MARCHF1: variants seen among roughly 807,000 people sequenced by gnomAD.
MARCHF1 encodes the protein membrane associated ring-CH-type finger 1, also known as E3 ubiquitin-protein ligase MARCHF1.
Under a neutral mutation model 54.2 loss-of-function variants are expected in MARCHF1, and 40 were observed. That is an observed-to-expected ratio of 0.74 (90% CI 0.57 to 0.96). MARCHF1 has a LOEUF of 0.96. MARCHF1 is among the 40% of genes least tolerant of loss of function. The pLI, the probability that MARCHF1 is intolerant of heterozygous loss-of-function variation, is 0.00. For missense variants in MARCHF1, 586 were observed against 656.5 expected (o/e 0.89, Z 1.17); for synonymous variants, 236 against 236.3 (o/e 1.00, Z 0.01).
chr4:164,318,862 T>C (rs1735066162), intron 1 of MARCHF1, among the ~76,000 whole-genome samples: 1 of 152,254 alleles, frequency 6.6e-6, no homozygotes, highest in Non-Finnish European at 1.5e-5. Context: ...AATACTAATC[T>C]ATATCATTTG....
At chr4:163,793,413 G>C (rs1747822966) in intron 4 of MARCHF1, among the ~76,000 whole-genome samples, 1 of 152,088 alleles carries the variant, frequency 6.6e-6, no homozygotes, top group South Asian at 2.1e-4. Context: ...TCAAAGGAAG[G>C]ATTTCTCCAA....
chr4:164,383,952 T>A lies in MARCHF1; in HGVS notation c.-405A>T, dbSNP rs1307433505. Reference sequence around the variant, plus strand: ...GGCGCGGGCATTCTCCCATCCTTTGTCAGTTGCGGGTGGAGCGCTCCTCCC... The same window carrying A: ...GGCGCGGGCATTCTCCCATCCTTTGACAGTTGCGGGTGGAGCGCTCCTCCC... On this transcript the variant is annotated 5_prime_UTR_variant, in exon 1 of 10. Transcript: ENST00000514618. 6.6e-6 allele frequency: 1 copy of A among 152,176 alleles called. No homozygotes were observed. The highest frequency in any genetic ancestry group is 1.5e-5 in the Non-Finnish European group (1 of 68,080). The allele number at this position is 152,176 out of a possible 1,614,324, so 9.4% of individuals were successfully genotyped here.
intron 2 of MARCHF1, among the ~76,000 whole-genome samples, chr4:164,084,420 C>T (rs1217321619): frequency 1.3e-5 from 2 of 151,682 alleles, no homozygotes; most frequent in African/African-American, 2.4e-5. Flanking sequence ...ATTTTAGATA[C>T]TCAACCTTTA....
Position 164,360,005 on chromosome 4 carries a change from G to A in MARCHF1, c.-323+23865C>T, listed in dbSNP as rs72991366. On this transcript the variant is annotated intron_variant, in intron 1 of 9. Coordinates refer to ENST00000514618, the MANE Select transcript of MARCHF1 (RefSeq NM_001394959.1). The stretch of plus-strand genomic sequence containing the variant: ...AGTGTCATATTCTAGTAGGCCGTGT[G>A]AACCCCACCCCCCAGAACACTCCGC... 8.2e-3 allele frequency among the ~76,000 whole-genome samples: 1,249 copies of A among 152,128 alleles called. 12 individuals carry two copies. Among genetic ancestry groups the A allele is most frequent in the African/African-American group, 0.029 (1,193 of 41,490 alleles).
At chr4:163,943,798 G>C (rs1481093672) in intron 3 of MARCHF1, among the ~76,000 whole-genome samples, 1 of 148,496 alleles carries the variant, frequency 6.7e-6, no homozygotes, top group Non-Finnish European at 1.5e-5. Context: ...TGGGCTTGCT[G>C]TAGAGCCTTC....
chr4:163,534,120 T>C (rs1008614300), intron 9 of MARCHF1, among the ~76,000 whole-genome samples: 1 of 152,034 alleles, frequency 6.6e-6, no homozygotes, highest in Non-Finnish European at 1.5e-5. Flanking sequence ...AGTGCCGCGC[T>C]CTTTACAATA....
At chr4:163,904,259 A>G (rs986976992) in intron 3 of MARCHF1, among the ~76,000 whole-genome samples, 1 of 152,358 alleles carries the variant, frequency 6.6e-6, no homozygotes, top group South Asian at 2.1e-4. Flanking sequence ...TCCACAAAAA[A>G]GAAAAGCTGA....
In MARCHF1 at chr4:164,148,175, G is replaced by A. The variant is rs141595241; in HGVS notation, c.-322-36513C>T. Among the ~76,000 whole-genome samples the A allele has an allele frequency of 2.1e-3, 293 of 142,740 alleles. 1 individual carries two copies. The highest frequency in any genetic ancestry group is 2.4e-3 in the African/African-American group (90 of 37,936). 93.6% of individuals were successfully genotyped at this position (142,740 alleles called of 152,430 possible). ...CACACACACACACACACACACTCAC[G>A]AATTCAACCAAGAAACTATGTAACA... On this transcript the variant is annotated intron_variant, in intron 1 of 9. Transcript: ENST00000514618.
intron 8 of MARCHF1, among the ~76,000 whole-genome samples, chr4:163,581,570 C>T (rs572091203): frequency 6.6e-6 from 1 of 152,294 alleles, no homozygotes; most frequent in South Asian, 2.1e-4. Context: ...GGCAGTTAAC[C>T]TGCTATGGTA....
At chr4:164,018,867 T>A (rs951069785) in intron 2 of MARCHF1, among the ~76,000 whole-genome samples, 1 of 152,228 alleles carries the variant, frequency 6.6e-6, no homozygotes, top group Non-Finnish European at 1.5e-5. Context: ...GGCACTTAGA[T>A]TATTTCACAA....
intron 7 of MARCHF1, among the ~76,000 whole-genome samples, chr4:163,605,946 A>G (rs910310622): frequency 2.6e-5 from 4 of 152,072 alleles, no homozygotes; most frequent in Admixed American, 2.6e-4. Context: ...TAGGAGAAAT[A>G]CCTAATGTAG....
intron 4 of MARCHF1, among the ~76,000 whole-genome samples, chr4:163,720,344 G>A (rs1171911981): frequency 2.0e-5 from 3 of 152,162 alleles, no homozygotes; most frequent in Non-Finnish European, 4.4e-5. Flanking sequence ...TTGTAGATGT[G>A]TGATATTATT....
At chr4:163,912,424 C>T (rs918627355) in intron 3 of MARCHF1, among the ~76,000 whole-genome samples, 3 of 152,044 alleles carry the variant, frequency 2.0e-5, no homozygotes, top group Non-Finnish European at 4.4e-5. Context: ...TTATTCAGAG[C>T]ACTATAGGTA....
intron 1 of MARCHF1, among the ~76,000 whole-genome samples, chr4:164,150,319 CAA>C (rs1729896275): frequency 1.3e-5 from 2 of 152,118 alleles, no homozygotes; most frequent in South Asian, 2.1e-4. Context: ...GCACTAATTT[CAA>C]GTCTTTCCCA....
intron 1 of MARCHF1, among the ~76,000 whole-genome samples, chr4:164,164,637 A>T (rs1431001): frequency 0.18 from 26,780 of 151,900 alleles, 3,609 homozygotes; most frequent in African/African-American, 0.37. Flanking sequence ...TATGCAAATA[A>T]TTTGTTTTGA....
intron 3 of MARCHF1, among the ~76,000 whole-genome samples, chr4:163,973,465 C>A (rs912534814): frequency 2.6e-5 from 4 of 152,178 alleles, no homozygotes; most frequent in South Asian, 2.1e-4. Context: ...AGCAAAAGGG[C>A]AAATGCTAAT....
rs1270906661 is a variant in MARCHF1 at position 163,663,938 on chromosome 4, G to A, written c.162+36875C>T. Among the ~76,000 whole-genome samples, 3 of 151,104 alleles carry A rather than the reference G, an allele frequency of 2.0e-5. No homozygotes were observed. The South Asian group carries it at 6.3e-4, about 32-fold the overall frequency. On this transcript the variant is annotated intron_variant, in intron 5 of 9. Coordinates refer to ENST00000514618, the MANE Select transcript of MARCHF1 (RefSeq NM_001394959.1). ...GCTTTCATGTACTTGAAAAAATGGG[G>A]CAGCTAAAAAAAAAAAACTGCCAAA...
intron 5 of MARCHF1, among the ~76,000 whole-genome samples, chr4:163,654,338 G>A (rs748613566): frequency 1.5e-4 from 22 of 151,708 alleles, no homozygotes; most frequent in Non-Finnish European, 2.7e-4. Flanking sequence ...AGGAAAATTT[G>A]GGGCAGATGA....
In MARCHF1 at chr4:164,061,014, T is replaced by G. The variant is rs376907380; in HGVS notation, c.-248+50574A>C. 7.2e-5 allele frequency among the ~76,000 whole-genome samples: 11 copies of G among 152,308 alleles called. No homozygotes were observed. In the East Asian group the frequency reaches 1.5e-3, roughly 21 times the overall value. On this transcript the variant is annotated intron_variant, in intron 2 of 9. Transcript: ENST00000514618. ...ACTCTAACAATGGTTGTGCCATCAC[T>G]TAGAAATGTATCCAGCTAACCTATC...
Sources: allele counts gnomAD v4.1 joint callset (sites outside exome capture counted in the v4.1 genomes callset), GRCh38; gene constraint gnomAD v4.1.1; transcripts MANE v1.5; gene names NCBI Gene and HGNC (gene_info 2026-07-23, HGNC 2026-07-21).